Variants in ZNF516 observed in about 807,000 individuals in gnomAD.
ZNF516 encodes zinc finger protein 516.
ZNF516 carries 19 observed loss-of-function variants against 79.7 expected under a neutral mutation model. That is an observed-to-expected ratio of 0.24 (90% CI 0.17 to 0.35). The LOEUF (loss-of-function observed/expected upper bound fraction) is 0.35. Ranked by LOEUF, ZNF516 falls within the 10% of genes least tolerant of loss-of-function variation. The pLI, the probability that ZNF516 is intolerant of heterozygous loss-of-function variation, is 1.00. For missense variants in ZNF516, 1,678 were observed against 1,679.5 expected (o/e 1.00, Z 0.02); for synonymous variants, 877 against 739.5 (o/e 1.19, Z -3.02).
intron 3 of ZNF516, chr18:76,386,021 CGTAA>C (rs1458333893): frequency 1.3e-5 from 2 of 152,240 alleles, no homozygotes; most frequent in Non-Finnish European, 2.9e-5. Context: ...TGCCTAACTT[CGTAA>C]GTGTTTAGAA....
In ZNF516 at chr18:76,442,139, T is replaced by G; in HGVS notation, c.916A>C (p.Asn306His). ...GGGTCCAGCTCACTCTTGGGCCTGT[T>G]CTTGCTGCCCGTCTTGGGGCCGTGC... Reference protein sequence around the residue: ...KAHGPKTGSKNRPKSELDPIA... With the variant: ...KAHGPKTGSKHRPKSELDPIA... Residue 306 changes from asparagine (N) to histidine (H), a missense_variant, in exon 3 of 7, where the codon AAC becomes CAC. Asn to His is a moderately conservative substitution (Grantham distance 68). This residue lies in a region of ZNF516 where 1,294 missense variants were observed against 1,248.3 expected (regional missense o/e 1.04). Transcript: ENST00000443185. 6.2e-7 allele frequency: 1 copy of G among 1,613,972 alleles called. No individual in the cohort carries two copies. The highest frequency in any genetic ancestry group is 8.5e-7 in the Non-Finnish European group (1 of 1,179,868).
chr18:76,472,634 G>A (rs546932085), intron 1 of ZNF516, among the ~76,000 whole-genome samples: 154 of 152,316 alleles, frequency 1.0e-3, no homozygotes, highest in African/African-American at 3.3e-3. Flanking sequence ...TTCTCACCTA[G>A]CTCAGGCTAG....
chr18:76,435,068 G>A (rs9966356), intron 3 of ZNF516, among the ~76,000 whole-genome samples: 2,562 of 152,306 alleles, frequency 0.017, 87 homozygotes, highest in African/African-American at 0.059. Context: ...CCAATAAAAC[G>A]GGAGGATAGA....
Position 76,441,361 on chromosome 18 carries a change from G to A in ZNF516, c.1694C>T (p.Ala565Val). The A allele has an allele frequency of 1.2e-6, 2 of 1,611,358 alleles. No individual in the cohort carries two copies. The highest frequency in any genetic ancestry group is 1.7e-5 in the Admixed American group (1 of 59,950). ...GGAGCCAGGGCTGCTGGGCTGGGAG[G>A]CCGAGTCACCCTCACTGAGTGATCC... ...RCGSLSEGDS[A>V]SQPSSPGSAC... The change falls in exon 3 of 7, where the codon GCC becomes GTC. Residue 565 changes from alanine to valine, a missense_variant. Coordinates refer to ENST00000443185, the MANE Select transcript of ZNF516 (RefSeq NM_014643.4).
chr18:76,404,992 GC>G (rs1176925630), intron 3 of ZNF516, among the ~76,000 whole-genome samples: 1 of 152,092 alleles, frequency 6.6e-6, no homozygotes, highest in Non-Finnish European at 1.5e-5. Context: ...CACACATGCA[GC>G]AACCCAGGTA....
chr18:76,491,501 T>G (rs1164540807), intron 1 of ZNF516: 1 of 128,382 alleles, frequency 7.8e-6, no homozygotes, highest in Non-Finnish European at 1.8e-5. Context: ...TTTCACTTCT[T>G]GGGTTACAGT....
chr18:76,487,451 T>C (rs1243220704), intron 1 of ZNF516, among the ~76,000 whole-genome samples: 1 of 152,254 alleles, frequency 6.6e-6, no homozygotes. Context: ...ATTTAAGTCA[T>C]TCCCCTAAAA....
At chr18:76,380,426 G>GA (rs2074872802) in intron 3 of ZNF516, 123 bp from the exon 4 acceptor site, 1 of 1,283,078 alleles carries the variant, frequency 7.8e-7, no homozygotes, top group Non-Finnish European at 1.0e-6. Context: ...AGCCACCCTT[G>GA]AGTCTGGGTG....
At chr18:76,369,810 T>C (rs753686361) in intron 6 of ZNF516, among the ~76,000 whole-genome samples, 13 of 152,178 alleles carry the variant, frequency 8.5e-5, no homozygotes, top group Non-Finnish European at 1.8e-4. Flanking sequence ...AGAATGCTTG[T>C]GCAACACAGG....
chr18:76,375,214 G>A (rs752015910), intron 4 of ZNF516, among the ~76,000 whole-genome samples: 13 of 152,144 alleles, frequency 8.5e-5, no homozygotes, highest in Non-Finnish European at 1.6e-4. Context: ...CTTTAAGGGC[G>A]TCAAAAACAA....
upstream of ZNF516, chr18:76,496,149 G>A: frequency 1.4e-6 from 1 of 692,288 alleles, no homozygotes; most frequent in Non-Finnish European, 2.1e-6. Context: ...GTGGGGGAGG[G>A]GAGGGCGGGC....
intron 3 of ZNF516, among the ~76,000 whole-genome samples, chr18:76,404,838 T>C (rs1220936181): frequency 1.2e-5 from 1 of 82,820 alleles, no homozygotes; most frequent in Non-Finnish European, 3.6e-5. Context: ...TGTGTATCAC[T>C]GTAACTGTGT....
chr18:76,495,477 G>A (rs1308056096), upstream of ZNF516: 2 of 156,266 alleles, frequency 1.3e-5, no homozygotes, highest in Admixed American at 6.5e-5. Context: ...CTGCCCTGTA[G>A]GAAACGCACA....
At position 76,459,246 on chromosome 18, in the gene ZNF516, T is replaced by C. The variant is rs1261185928; in HGVS notation, c.-158+3782A>G. 6.6e-6 allele frequency among the ~76,000 whole-genome samples: 1 copy of C among 152,164 alleles called. No homozygotes were observed. The highest frequency in any genetic ancestry group is 2.4e-5 in the African/African-American group (1 of 41,430). The stretch of plus-strand genomic sequence containing the variant: ...CTCTCTCCCTGCCCCGAGCTTCGGC[T>C]TCTCCTCCATGCACGGTCACTGCTG... On this transcript the variant is annotated intron_variant, in intron 2 of 6. Coordinates refer to ENST00000443185, the MANE Select transcript of ZNF516 (RefSeq NM_014643.4). The surrounding 1 kb of genome is among the most constrained non-coding windows in gnomAD (Gnocchi z 5.0).
chr18:76,414,164 C>T (rs545516598), intron 3 of ZNF516, among the ~76,000 whole-genome samples: 1 of 152,240 alleles, frequency 6.6e-6, no homozygotes, highest in East Asian at 1.9e-4. Context: ...TAGTGAAATC[C>T]TTCATTGTTG....
intron 3 of ZNF516, among the ~76,000 whole-genome samples, chr18:76,436,668 C>T (rs1000373745): frequency 1.3e-5 from 2 of 152,130 alleles, no homozygotes; most frequent in African/African-American, 4.8e-5. Flanking sequence ...GTTGCCCACA[C>T]CCAGCAGGCT....
In ZNF516 at chr18:76,379,642, G is replaced by C. The variant is rs181998145; in HGVS notation, c.2472C>G (p.Gly824=). The stretch of plus-strand genomic sequence containing the variant: ...CAAGGAGCAAAGGCTGGCATTCTTT[G>C]CCACCGAGGGCAGGCGGGGGGCCCG... The part of the protein sequence containing the change: ...GRTGPPPALG[G]KECQPLLLAR... The change falls in exon 4 of 7, where the codon GGC becomes GGG. Residue 824 remains glycine (G), a synonymous_variant. Coordinates refer to ENST00000443185, the MANE Select transcript of ZNF516 (RefSeq NM_014643.4). 4 of 1,613,546 alleles carry C rather than the reference G, an allele frequency of 2.5e-6. No individual in the cohort carries two copies. In the Admixed American group the frequency reaches 5.0e-5, roughly 20 times the overall value.
In ZNF516 at chr18:76,457,480, G is replaced by A. The variant is rs373773463; in HGVS notation, c.-158+5548C>T. On this transcript the variant is annotated intron_variant, in intron 2 of 6. Coordinates refer to ENST00000443185, the MANE Select transcript of ZNF516 (RefSeq NM_014643.4). ...TGCCAGCTCTTTGGGAGGCTGAGGCGGAAGGATCACCTGAGCCCAGGAGTT... is the reference window on the plus strand; with the variant it reads ...TGCCAGCTCTTTGGGAGGCTGAGGCAGAAGGATCACCTGAGCCCAGGAGTT... Among the ~76,000 whole-genome samples the A allele has an allele frequency of 2.6e-4, 39 of 152,256 alleles. 1 individual carries two copies. Among genetic ancestry groups the A allele is most frequent in the South Asian group, 6.2e-4 (3 of 4,830 alleles).
At chr18:76,463,256 G>A (rs992884286) in intron 1 of ZNF516, 115 bp from the exon 2 acceptor site, 3 of 152,208 alleles carry the variant, frequency 2.0e-5, no homozygotes, top group Non-Finnish European at 2.9e-5. Flanking sequence ...GGCTACCGTA[G>A]GTATTTTCAG....
Sources: allele counts gnomAD v4.1 joint callset (sites outside exome capture counted in the v4.1 genomes callset), GRCh38; gene constraint gnomAD v4.1.1; regional missense constraint gnomAD v4.1.1; non-coding constraint Gnocchi (gnomAD v3.1); transcripts MANE v1.5; gene names NCBI Gene and HGNC (gene_info 2026-07-23, HGNC 2026-07-21).